The following BCAS4 variants were observed in gnomAD, a reference collection of about 807,000 sequenced individuals.
BCAS4 encodes breast carcinoma-amplified sequence 4.
Under a neutral mutation model 15.7 loss-of-function variants are expected in BCAS4, and 9 were observed. That is an observed-to-expected ratio of 0.57 (90% confidence interval 0.34 to 1.00). The LOEUF is 1.00. BCAS4 is among the 50% of genes least tolerant of loss of function. The pLI is 0.02. For missense variants in BCAS4, 225 were observed against 239.1 expected (o/e 0.94, Z 0.39); for synonymous variants, 101 against 99.5 (o/e 1.02, Z -0.09).
chr20:50,878,518 G>A (rs1397040633), downstream of BCAS4: 2 of 150,120 alleles, frequency 1.3e-5, no homozygotes, highest in African/African-American at 4.9e-5. Flanking sequence ...TTCTTTAAAT[G>A]AGACACCTGT....
At chr20:50,852,366 TTGTGTGTGTG>T (rs34560943) in intron 4 of BCAS4, among the ~76,000 whole-genome samples, 1 of 150,114 alleles carries the variant, frequency 6.7e-6, no homozygotes, top group Non-Finnish European at 1.5e-5. Flanking sequence ...TTTTGTGGCT[TTGTGTGTGTG>T]TGTGTGTGTG....
intron 4 of BCAS4, among the ~76,000 whole-genome samples, chr20:50,865,198 G>A (rs1379692262): frequency 6.6e-6 from 1 of 152,222 alleles, no homozygotes; most frequent in Non-Finnish European, 1.5e-5. Flanking sequence ...GCGCCTTGGT[G>A]CTCAAGTAGG....
At chr20:50,816,791 A>ATTTTTTTTTTTTTT (rs35600563) in intron 1 of BCAS4, among the ~76,000 whole-genome samples, 3 of 80,898 alleles carry the variant, frequency 3.7e-5, no homozygotes, top group African/African-American at 1.2e-4. Flanking sequence ...TGCCTGGCTA[A>ATTTTTTTTTTTTTT]TTTTTTTTTT....
intron 1 of BCAS4, among the ~76,000 whole-genome samples, chr20:50,816,020 A>C (rs899565753): frequency 2.0e-5 from 3 of 152,100 alleles, no homozygotes; most frequent in Admixed American, 2.0e-4. Context: ...GGGAAAAAAA[A>C]CCTAATTTTT....
At chr20:50,829,542 C>T (rs1464102898) in intron 2 of BCAS4, among the ~76,000 whole-genome samples, 5 of 152,098 alleles carry the variant, frequency 3.3e-5, no homozygotes, top group African/African-American at 9.6e-5. Flanking sequence ...CACGCCCAGC[C>T]GCTCCCCAGA....
chr20:50,856,649 C>G (rs1254503486), intron 4 of BCAS4, among the ~76,000 whole-genome samples: 1 of 152,170 alleles, frequency 6.6e-6, no homozygotes, highest in Non-Finnish European at 1.5e-5. Context: ...TTGGGCAGTG[C>G]CCCTGGAAGT....
At chr20:50,873,416 G>C (rs780675419) in intron 4 of BCAS4, among the ~76,000 whole-genome samples, 1 of 152,224 alleles carries the variant, frequency 6.6e-6, no homozygotes, top group African/African-American at 2.4e-5. Context: ...AAGAAGGGCC[G>C]TGTCTTTTCA....
intron 1 of BCAS4, among the ~76,000 whole-genome samples, chr20:50,812,826 A>T (rs879479837): frequency 7.3e-5 from 11 of 149,904 alleles, no homozygotes; most frequent in Non-Finnish European, 1.3e-4. Context: ...TTTATTTTTT[A>T]TTTTTTTGAG....
intron 4 of BCAS4, among the ~76,000 whole-genome samples, chr20:50,857,195 G>A (rs894793014): frequency 6.6e-6 from 1 of 152,120 alleles, no homozygotes; most frequent in East Asian, 1.9e-4. Context: ...GCAATGGCGC[G>A]ATCTCAGCTC....
intron 4 of BCAS4, among the ~76,000 whole-genome samples, chr20:50,847,804 A>ATCCC (rs2088564339): frequency 1.3e-5 from 2 of 152,158 alleles, no homozygotes; most frequent in Non-Finnish European, 2.9e-5. Flanking sequence ...GCACTTTGGG[A>ATCCC]GGCCTAGGTG....
chr20:50,840,245 A>T (rs1221121567), intron 3 of BCAS4, among the ~76,000 whole-genome samples: 2 of 152,148 alleles, frequency 1.3e-5, no homozygotes, highest in Admixed American at 6.5e-5. Context: ...TTGCATATTT[A>T]AAAAATTGTG....
At position 50,841,789 on chromosome 20, in the gene BCAS4, C is replaced by A; in HGVS notation, c.288C>A (p.His96Gln). The change falls in exon 4 of 5, where the codon CAC (histidine) becomes CAA (glutamine). Residue 96 changes from histidine (H) to glutamine (Q), a missense_variant. Coordinates refer to ENST00000371608, the MANE Select transcript of BCAS4 (RefSeq NM_198799.4). ...AGGCCTTCGTCAAGATGGTTGGACACCACGTCGCCTTCCTGGAAGCAGACG... is the reference window on the plus strand; with the variant it reads ...AGGCCTTCGTCAAGATGGTTGGACAACACGTCGCCTTCCTGGAAGCAGACG... The part of the protein sequence containing the change: ...RLEAFVKMVG[H>Q]HVAFLEADVL... The A allele has an allele frequency of 6.2e-7, 1 of 1,613,962 alleles. No homozygotes were observed. The highest frequency in any genetic ancestry group is 1.3e-5 in the African/African-American group (1 of 75,058).
chr20:50,797,143 A>C (rs1489089436), intron 1 of BCAS4, among the ~76,000 whole-genome samples: 1 of 152,090 alleles, frequency 6.6e-6, no homozygotes, highest in Non-Finnish European at 1.5e-5. Flanking sequence ...TGGCCCATCT[A>C]TATTAGTTTT....
chr20:50,796,154 G>A (rs995422829), intron 1 of BCAS4, among the ~76,000 whole-genome samples: 2 of 151,520 alleles, frequency 1.3e-5, no homozygotes, highest in East Asian at 3.9e-4. Flanking sequence ...AGGCCGAGAC[G>A]GGTGGATCAC....
intron 2 of BCAS4, among the ~76,000 whole-genome samples, chr20:50,821,854 C>T (rs2123780106): frequency 6.6e-6 from 1 of 152,294 alleles, no homozygotes; most frequent in Admixed American, 6.5e-5. Context: ...CCTCTTTTAA[C>T]ATTTGATATA....
chr20:50,798,323 C>A (rs376098041), intron 1 of BCAS4, among the ~76,000 whole-genome samples: 1 of 151,678 alleles, frequency 6.6e-6, no homozygotes, highest in Non-Finnish European at 1.5e-5. Context: ...AAAAAAAACC[C>A]AAAAGAATTA....
downstream of BCAS4, chr20:50,878,962 C>G (rs1278338724): frequency 6.7e-6 from 1 of 149,436 alleles, no homozygotes; most frequent in Non-Finnish European, 1.5e-5. Context: ...CCCAGGCTGA[C>G]AGCATACTGA....
intron 2 of BCAS4, among the ~76,000 whole-genome samples, chr20:50,821,235 G>A (rs1468585984): frequency 1.1e-4 from 16 of 152,238 alleles, no homozygotes; most frequent in Admixed American, 1.0e-3. Context: ...AGGATCCCAT[G>A]TTCCAAGAAA....
intron 3 of BCAS4, among the ~76,000 whole-genome samples, chr20:50,835,245 A>AT (rs1278646307): frequency 0.14 from 18,477 of 134,540 alleles, 1,437 homozygotes; most frequent in South Asian, 0.18. Flanking sequence ...AACTACTATA[A>AT]TTTTTTTTTT....
Sources: gnomAD v4.1 joint callset for allele counts (sites outside exome capture counted in the v4.1 genomes callset) on GRCh38, gnomAD v4.1.1 for gene constraint, MANE v1.5 for transcripts, NCBI Gene and HGNC (gene_info 2026-07-23, HGNC 2026-07-21) for gene names.